SRGAP2: variants seen among roughly 807,000 people sequenced by gnomAD.
SRGAP2 encodes SLIT-ROBO Rho GTPase-activating protein 2.
Under a neutral mutation model 57.2 loss-of-function variants are expected in SRGAP2, and 15 were observed. The ratio of observed to expected loss-of-function variants is 0.26; its 90% CI spans 0.18 to 0.40. SRGAP2 has a LOEUF of 0.40. Ranked by LOEUF, SRGAP2 falls within the 10% of genes least tolerant of loss-of-function variation. The pLI is 1.00. For missense variants in SRGAP2, 520 were observed against 669.6 expected, an observed-to-expected ratio of 0.78 and a Z score of 2.47; for synonymous variants, 249 against 248.0, an observed-to-expected ratio of 1.00 and a Z score of -0.04.
chr1:206,357,189 C>T (rs1553339496), intron 4 of SRGAP2, among the ~76,000 whole-genome samples: 1 of 147,054 alleles, frequency 6.8e-6, no homozygotes, highest in Non-Finnish European at 1.5e-5. Flanking sequence ...AAACAAAAAA[C>T]CCTTCAGCTT....
chr1:206,458,854 G>T lies in SRGAP2; in HGVS notation c.2739G>T (p.Arg913=), dbSNP rs1298807894. 3 of 780,544 alleles carry T rather than the reference G, an allele frequency of 3.8e-6. No homozygotes were observed. In the African/African-American group the frequency reaches 5.1e-5, roughly 13 times the overall value. 48.4% of individuals were successfully genotyped at this position (780,544 alleles called of 1,614,324 possible). A position where few individuals can be genotyped will look rare whatever the true frequency, so the allele number is the denominator to read the frequency against. ...GCCGCCACTCATCCCTGAAGAATCG[G>T]CTGGATAGTCCACAGATCCGGAAGA... ...SISRHSSLKN[R]LDSPQIRKTA... Residue 913 remains arginine, a synonymous_variant, in exon 22 of 23, where the codon CGG becomes CGT. Coordinates refer to ENST00000573034, the MANE Select transcript of SRGAP2 (RefSeq NM_015326.5).
intron 4 of SRGAP2, among the ~76,000 whole-genome samples, chr1:206,355,453 G>T (rs1201634542): frequency 6.6e-6 from 1 of 151,754 alleles, no homozygotes; most frequent in African/African-American, 2.4e-5. Context: ...GCTAATATTG[G>T]CACCCTCTAG....
In SRGAP2 at chr1:206,458,607, C is replaced by A; in HGVS notation, c.2508-16C>A. On this transcript the variant is annotated splice_polypyrimidine_tract_variant and intron_variant, in intron 21 of 22. Coordinates refer to ENST00000573034, the MANE Select transcript of SRGAP2 (RefSeq NM_015326.5). ...GGGCTCCCTGATCACACTGCCCTTT[C>A]TGTTTGTGATTGAAGGCAAAGGAAG... 1 of 724,422 alleles carries A rather than the reference C, an allele frequency of 1.4e-6. No homozygotes were observed. The highest frequency in any genetic ancestry group is 2.6e-6 in the Non-Finnish European group (1 of 388,974). The allele number at this position is 724,422 out of a possible 1,614,324, so 44.9% of individuals were successfully genotyped here.
chr1:206,249,661 G>A (rs1422453176), intron 2 of SRGAP2, among the ~76,000 whole-genome samples: 1 of 150,648 alleles, frequency 6.6e-6, no homozygotes, highest in Non-Finnish European at 1.5e-5. Context: ...GTTGATGGGG[G>A]CAGCAAACCA....
At chr1:206,277,657 C>T (rs1670489160) in intron 2 of SRGAP2, among the ~76,000 whole-genome samples, 4 of 149,124 alleles carry the variant, frequency 2.7e-5, no homozygotes, top group South Asian at 2.1e-4. Flanking sequence ...ATTTGCATTT[C>T]AGTTGTTTAT....
chr1:206,417,187 T>C (rs914611939), intron 11 of SRGAP2, among the ~76,000 whole-genome samples: 1 of 145,486 alleles, frequency 6.9e-6, no homozygotes, highest in Non-Finnish European at 1.5e-5. Flanking sequence ...CACTGCCAAC[T>C]CCACCTCCTA....
intron 10 of SRGAP2, among the ~76,000 whole-genome samples, chr1:206,410,614 A>G (rs1240742785): frequency 6.6e-6 from 1 of 152,236 alleles, no homozygotes; most frequent in Non-Finnish European, 1.5e-5. Context: ...AAATGTAATG[A>G]AAGAAAATGG....
At chr1:206,445,205 G>A (rs1318626506) in intron 17 of SRGAP2, among the ~76,000 whole-genome samples, 1 of 152,230 alleles carries the variant, frequency 6.6e-6, no homozygotes, top group Non-Finnish European at 1.5e-5. Context: ...GGTATCCAGA[G>A]CTGGCCCAGC....
In SRGAP2 at chr1:206,461,469, G is replaced by A. The variant is rs368241244; in HGVS notation, c.*49G>A. The A allele has an allele frequency of 1.5e-6, 1 of 671,920 alleles. No homozygotes were observed. The highest frequency in any genetic ancestry group is 1.8e-5 in the African/African-American group (1 of 55,706). 41.6% of individuals were successfully genotyped at this position (671,920 alleles called of 1,614,324 possible). A position where few individuals can be genotyped will look rare whatever the true frequency, so the allele number is the denominator to read the frequency against. On this transcript the variant is annotated 3_prime_UTR_variant, in exon 23 of 23. Transcript: ENST00000573034. ...GACAAGGGGACTATAGGGACTGACT[G>A]TTATTAAAATCTTCCTATTTAACTA...
intron 2 of SRGAP2, among the ~76,000 whole-genome samples, chr1:206,238,013 T>C (rs1490860972): frequency 2.0e-4 from 2 of 9,894 alleles, no homozygotes; most frequent in Non-Finnish European, 4.6e-4. Context: ...TCTCCTGATA[T>C]AGTGTCTGGC....
chr1:206,370,975 A>T (rs1374109302), intron 4 of SRGAP2, among the ~76,000 whole-genome samples: 1 of 146,492 alleles, frequency 6.8e-6, no homozygotes, highest in Non-Finnish European at 1.5e-5. Context: ...TAGGCCTAAC[A>T]TGCTTCTACT....
rs1311550360 is a variant in SRGAP2 at position 206,268,788 on chromosome 1, TCA to T, written c.68-34490_68-34489del. ...TAGAAAAACAGGCAAAGAAAACAAA[TCA>T]CAGAGTGAATTTAACATAATAGAAA... On this transcript the variant is annotated intron_variant, in intron 2 of 22. Coordinates refer to ENST00000573034, the MANE Select transcript of SRGAP2 (RefSeq NM_015326.5). Among the ~76,000 whole-genome samples the T allele has an allele frequency of 1.2e-4, 16 of 129,060 alleles. No individual in the cohort carries two copies. In the South Asian group the frequency reaches 4.5e-3, roughly 36 times the overall value. 84.7% of individuals were successfully genotyped at this position (129,060 alleles called of 152,430 possible). A position where few individuals can be genotyped will look rare whatever the true frequency, so the allele number is the denominator to read the frequency against.
At chr1:206,442,238 TTG>T (rs1485152773) in intron 17 of SRGAP2, among the ~76,000 whole-genome samples, 13 of 152,326 alleles carry the variant, frequency 8.5e-5, no homozygotes, top group African/African-American at 3.1e-4. Flanking sequence ...TTCCATGCGG[TTG>T]TGTCTGCTCT....
At chr1:206,420,693 C>A (rs12070635) in intron 12 of SRGAP2, among the ~76,000 whole-genome samples, 1,686 of 152,224 alleles carry the variant, frequency 0.011, 32 homozygotes, top group African/African-American at 0.038. Context: ...GAGTCAGATT[C>A]CCTTTGAGAA....
intron 18 of SRGAP2, among the ~76,000 whole-genome samples, chr1:206,449,689 C>T (rs1663099921): frequency 6.6e-6 from 1 of 152,088 alleles, no homozygotes; most frequent in African/African-American, 2.4e-5. Context: ...GCAGATTATT[C>T]CTCCCCTACT....
chr1:206,253,480 C>A (rs1668965629), intron 2 of SRGAP2, among the ~76,000 whole-genome samples: 1 of 151,986 alleles, frequency 6.6e-6, no homozygotes, highest in Admixed American at 6.6e-5. Context: ...GACTTCCTAG[C>A]CTCCAGAACT....
Position 206,454,027 on chromosome 1 carries a change from G to T in SRGAP2, c.2360+647G>T. 2.9e-6 allele frequency: 2 copies of T among 678,968 alleles called. No homozygotes were observed. Among genetic ancestry groups the T allele is most frequent in the Admixed American group, 2.1e-5 (1 of 48,148 alleles). The allele number at this position is 678,968 out of a possible 1,614,324, so 42.1% of individuals were successfully genotyped here. On this transcript the variant is annotated intron_variant, in intron 20 of 22. Transcript: ENST00000573034. This position sits in a 1 kb window ranked among gnomAD's most constrained non-coding sequence, Gnocchi z 4.3. ...TCTCACACTTTGAAGCAGTTGTCCCGTGGGCCCACCCAAGCCTGCCCCCTG... is the reference window on the plus strand; with the variant it reads ...TCTCACACTTTGAAGCAGTTGTCCCTTGGGCCCACCCAAGCCTGCCCCCTG...
chr1:206,409,538 G>A (rs1658993843), intron 10 of SRGAP2, among the ~76,000 whole-genome samples: 1 of 151,948 alleles, frequency 6.6e-6, no homozygotes, highest in Non-Finnish European at 1.5e-5. Context: ...TCCCAGCGCT[G>A]TGGGAGCCTG....
intron 16 of SRGAP2, among the ~76,000 whole-genome samples, chr1:206,439,184 A>AT (rs1572157662): frequency 6.6e-6 from 1 of 152,066 alleles, no homozygotes; most frequent in East Asian, 1.9e-4. Flanking sequence ...TCTCTTTTTC[A>AT]TATAAAGGCA....
Sources: gnomAD v4.1 joint callset for allele counts (sites outside exome capture counted in the v4.1 genomes callset) on GRCh38, gnomAD v4.1.1 for gene constraint, Gnocchi (gnomAD v3.1) non-coding constraint, MANE v1.5 for transcripts, NCBI Gene and HGNC (gene_info 2026-07-23, HGNC 2026-07-21) for gene names.